The following PPP2R2C variants were observed in gnomAD, a reference collection of about 807,000 sequenced individuals.
PPP2R2C encodes protein phosphatase 2, regulatory subunit B, gamma.
PPP2R2C carries 10 observed loss-of-function variants against 45.3 expected under a neutral mutation model. The observed-to-expected ratio is 0.22, with a 90% confidence interval of 0.14 to 0.37. The LOEUF is 0.37. Among genes scored for constraint, PPP2R2C ranks in the 10% least tolerant of loss-of-function variants. PPP2R2C has a pLI of 1.00. For missense variants in PPP2R2C, 308 were observed against 619.7 expected, an observed-to-expected ratio of 0.50 and a Z score of 5.34; for synonymous variants, 257 against 245.4, an observed-to-expected ratio of 1.05 and a Z score of -0.44.
rs745353105 is a variant in PPP2R2C, at chr4:6,413,859, G to A, written c.71-32765C>T. ...ACTCAGGGCTGGCCAGCTCCACGAT[G>A]GGGACCCTCCCAACTCTCATGATGC... On this transcript the variant is annotated intron_variant, in intron 1 of 8. Transcript: ENST00000382599. 125 of 1,535,626 alleles carry A rather than the reference G, an allele frequency of 8.1e-5. 1 individual carries two copies. In the African/African-American group the frequency reaches 1.3e-3, roughly 15 times the overall value.
Position 6,329,305 on chromosome 4 carries a change from A to G in PPP2R2C, c.1009T>C (p.Cys337Arg). ...GCACATTCAAACTTGTCGAAAATGC[A>G]GTCGTTCTCGTACAGGGAACAGAGC... Reference protein sequence around the residue: ...SKLCSLYENDCIFDKFECAWN... With the variant: ...SKLCSLYENDRIFDKFECAWN... Residue 337 changes from cysteine to arginine, a missense_variant, in exon 8 of 9, where the codon TGC (cysteine) becomes CGC (arginine). Physicochemically the swap from Cys to Arg is radical, Grantham distance 180. Coordinates refer to ENST00000382599, the MANE Select transcript of PPP2R2C (RefSeq NM_020416.4). This position sits in a 1 kb window ranked among gnomAD's most constrained non-coding sequence, Gnocchi z 5.8. The G allele has an allele frequency of 3.1e-6, 5 of 1,614,228 alleles. No homozygotes were observed. Among genetic ancestry groups the G allele is most frequent in the Non-Finnish European group, 4.2e-6 (5 of 1,180,022 alleles).
rs527963347 is a variant in PPP2R2C, at chr4:6,560,628, G to A, written c.-59+2932C>T. 1.4e-4 allele frequency among the ~76,000 whole-genome samples: 22 copies of A among 152,288 alleles called. No homozygotes were observed. In the South Asian group the frequency reaches 2.9e-3, roughly 20 times the overall value. ...AAAGCACCTCTCAGTGTTGGCTGCT[G>A]TTACTGGAGCTCTGTGCCTATCCAC... On this transcript the variant is annotated intron_variant, in intron 1 of 9. Transcript: ENST00000506140.
At chr4:6,418,065 C>T (rs1423655177) in intron 1 of PPP2R2C, among the ~76,000 whole-genome samples, 2 of 152,142 alleles carry the variant, frequency 1.3e-5, no homozygotes, top group Admixed American at 6.5e-5. Context: ...CTTGCCTTGC[C>T]GCCTTGGGAA....
intron 1 of PPP2R2C, among the ~76,000 whole-genome samples, chr4:6,403,729 G>A (rs1295859567): frequency 6.6e-6 from 1 of 152,134 alleles, no homozygotes; most frequent in African/African-American, 2.4e-5. Flanking sequence ...TGGGCGTGGT[G>A]GTGGGTGCCT....
At chr4:6,427,203 G>C (rs1304544916) in intron 1 of PPP2R2C, among the ~76,000 whole-genome samples, 3 of 152,232 alleles carry the variant, frequency 2.0e-5, no homozygotes, top group African/African-American at 7.2e-5. Context: ...CCAGTGCCTA[G>C]AATAGTATCT....
chr4:6,414,897 T>C (rs1268573872), intron 1 of PPP2R2C, among the ~76,000 whole-genome samples: 2 of 152,152 alleles, frequency 1.3e-5, no homozygotes, highest in Admixed American at 6.5e-5. Flanking sequence ...GCTCACCACA[T>C]GTGCTTAGTT....
In PPP2R2C at chr4:6,337,112, G is replaced by GTATATATATATATATATATATATA. The variant is rs61657951; in HGVS notation, c.791-3405_791-3382dup. ...CATCTTTGTTTCTGTATGTGTGTGT[G>GTATATATATATATATATATATATA]TATATATATATATATATATATATAT... is the stretch of plus-strand genomic sequence containing the variant. On this transcript the variant is annotated intron_variant, in intron 6 of 8. Transcript: ENST00000382599. Among the ~76,000 whole-genome samples, 2 of 30,120 alleles carry GTATATATATATATATATATATATA rather than the reference G, an allele frequency of 6.6e-5. 1 individual carries two copies. Among genetic ancestry groups the GTATATATATATATATATATATATA allele is most frequent in the Non-Finnish European group, 1.3e-4 (2 of 15,716 alleles). The allele number at this position is 30,120 out of a possible 152,430, so 19.8% of individuals were successfully genotyped here.
chr4:6,546,683 G>A lies in PPP2R2C; in HGVS notation c.-58-11306C>T, dbSNP rs552047029. On this transcript the variant is annotated intron_variant, in intron 1 of 9. Coordinates refer to the PPP2R2C transcript ENST00000506140. ...CAGTATATTTCTTAGACCCAAAGGT[G>A]TGTTCGTTTTCAAAGGAACAGAAAA... Among the ~76,000 whole-genome samples, 6 of 152,308 alleles carry A rather than the reference G, an allele frequency of 3.9e-5. No homozygotes were observed. The South Asian group carries it at 1.2e-3, about 32-fold the overall frequency.
intron 1 of PPP2R2C, among the ~76,000 whole-genome samples, chr4:6,394,586 AAG>A (rs1716887840): frequency 6.6e-6 from 1 of 152,212 alleles, no homozygotes; most frequent in Non-Finnish European, 1.5e-5. Context: ...AAATGGCAAT[AAG>A]AGTCACCCCT....
At chr4:6,478,732 G>A (rs993434869) in intron 2 of PPP2R2C, among the ~76,000 whole-genome samples, 4 of 152,212 alleles carry the variant, frequency 2.6e-5, no homozygotes, top group Non-Finnish European at 4.4e-5. Flanking sequence ...TGAACTAGAA[G>A]ACCACAGCCG....
intron 2 of PPP2R2C, among the ~76,000 whole-genome samples, chr4:6,504,030 G>A (rs886541345): frequency 6.6e-6 from 1 of 152,242 alleles, no homozygotes; most frequent in Non-Finnish European, 1.5e-5. Flanking sequence ...GTTGGCCTGA[G>A]AGCAGTCCTC....
intron 1 of PPP2R2C, among the ~76,000 whole-genome samples, chr4:6,395,144 G>A (rs182698836): frequency 1.2e-4 from 19 of 152,164 alleles, no homozygotes; most frequent in Admixed American, 1.3e-4. Flanking sequence ...AACCTCATCC[G>A]ATGGCCCTCC....
rs781314421 is a variant in PPP2R2C, at chr4:6,375,840, C to T, written c.426G>A (p.Leu142=). ...TCACCTGCAGTGACGTCACCGTGGA[C>T]AGGTCCTTAAGTTTCCCCTCTTCAT... ...LKDEEGKLKD[L]STVTSLQVPV... is the part of the protein sequence containing the mutation. The change falls in exon 4 of 9, where the codon CTG becomes CTA. Residue 142 remains leucine, a synonymous_variant. Coordinates refer to ENST00000382599, the MANE Select transcript of PPP2R2C (RefSeq NM_020416.4). 3 of 1,613,944 alleles carry T rather than the reference C, an allele frequency of 1.9e-6. No homozygotes were observed. In the South Asian group the frequency reaches 3.3e-5, roughly 18 times the overall value.
chr4:6,329,189 C>A lies in PPP2R2C; in HGVS notation c.1052+73G>T, dbSNP rs572194040. The A allele has an allele frequency of 2.1e-5, 31 of 1,447,452 alleles. No homozygotes were observed. The Admixed American group carries it at 5.6e-4, about 26-fold the overall frequency. The allele number at this position is 1,447,452 out of a possible 1,614,324, so 89.7% of individuals were successfully genotyped here. A position where few individuals can be genotyped will look rare whatever the true frequency, so the allele number is the denominator to read the frequency against. On this transcript the variant is annotated intron_variant, in intron 8 of 8. Transcript: ENST00000382599. This position sits in a 1 kb window ranked among gnomAD's most constrained non-coding sequence, Gnocchi z 5.8. ...GCCCCATGCTGCGGGTCACCGGAAT[C>A]CCAGCCCAGACCCCTGCAGGGCAGA...
chr4:6,475,005 T>C (rs999218738), upstream of PPP2R2C, among the ~76,000 whole-genome samples: 11 of 152,260 alleles, frequency 7.2e-5, no homozygotes, highest in African/African-American at 2.7e-4. Context: ...GGAATGTTTA[T>C]TGAGCATCTA....
In PPP2R2C at chr4:6,378,058, C is replaced by T. The variant is rs1253443380; in HGVS notation, c.334+349G>A. On this transcript the variant is annotated intron_variant, in intron 3 of 8. Transcript: ENST00000382599. This position sits in a 1 kb window ranked among gnomAD's most constrained non-coding sequence, Gnocchi z 5.2. ...ACCTGCATCCTTGTCCATCACACTC[C>T]CTCACCCCAAAGCAAAGGCCTACAA... Among the ~76,000 whole-genome samples the T allele has an allele frequency of 6.6e-6, 1 of 152,128 alleles. No individual in the cohort carries two copies. Among genetic ancestry groups the T allele is most frequent in the Non-Finnish European group, 1.5e-5 (1 of 68,022 alleles).
intron 2 of PPP2R2C, among the ~76,000 whole-genome samples, chr4:6,490,915 G>A (rs2108785496): frequency 6.6e-6 from 1 of 152,280 alleles, no homozygotes; most frequent in Non-Finnish European, 1.5e-5. Flanking sequence ...GCTTAAAGAG[G>A]TTAAGCAACC....
intron 5 of PPP2R2C, chr4:6,350,675 G>A (rs1712465183): frequency 6.1e-6 from 6 of 985,364 alleles, no homozygotes; most frequent in Non-Finnish European, 7.2e-6. Flanking sequence ...TCTCCCAAGG[G>A]GAGACCTCTC....
intron 2 of PPP2R2C, among the ~76,000 whole-genome samples, chr4:6,498,323 G>T (rs930559806): frequency 1.3e-5 from 2 of 152,162 alleles, no homozygotes; most frequent in African/African-American, 4.8e-5. Flanking sequence ...ACCAGGCAAT[G>T]GTGGAATTAA....
Sources: allele counts gnomAD v4.1 joint callset (sites outside exome capture counted in the v4.1 genomes callset), GRCh38; gene constraint gnomAD v4.1.1; non-coding constraint Gnocchi (gnomAD v3.1); transcripts MANE v1.5; gene names NCBI Gene and HGNC (gene_info 2026-07-23, HGNC 2026-07-21).